Variants in NRG3 observed in about 807,000 individuals in gnomAD.
The protein encoded by NRG3 is neuregulin 3.
In NRG3, 31 loss-of-function variants were observed where a neutral mutation model predicts 66.9. The ratio of observed to expected loss-of-function variants is 0.46; its 90% CI spans 0.35 to 0.63. The LOEUF (loss-of-function observed/expected upper bound fraction) is 0.63. NRG3 is among the 20% of genes least tolerant of loss of function. The pLI is 0.00. For missense variants in NRG3, 910 were observed against 878.9 expected (o/e 1.04, Z -0.45); for synonymous variants, 393 against 359.4 (o/e 1.09, Z -1.06).
At chr10:82,029,345 TC>T in intron 1 of NRG3, among the ~76,000 whole-genome samples, 1 of 152,282 alleles carries the variant, frequency 6.6e-6, no homozygotes, top group South Asian at 2.1e-4. Context: ...TATGCCAGTT[TC>T]CCAAAGTGAA....
At chr10:82,008,678 G>T (rs1564733319) in intron 1 of NRG3, among the ~76,000 whole-genome samples, 1 of 152,012 alleles carries the variant, frequency 6.6e-6, no homozygotes, top group Non-Finnish European at 1.5e-5. Flanking sequence ...ATCCATTTCT[G>T]GTAGTCTCTT....
chr10:82,692,604 C>T (rs536131499), intron 2 of NRG3, among the ~76,000 whole-genome samples: 1 of 152,210 alleles, frequency 6.6e-6, no homozygotes, highest in Admixed American at 6.5e-5. Context: ...ACACAGGAGA[C>T]AAAGAGGCCG....
intron 1 of NRG3, among the ~76,000 whole-genome samples, chr10:82,339,288 A>G (rs981842605): frequency 2.6e-5 from 4 of 152,210 alleles, no homozygotes; most frequent in Admixed American, 6.5e-5. Flanking sequence ...ACAGTTATGA[A>G]GAAATACCTG....
rs1315398489 is a variant in NRG3, at chr10:82,959,022, A to G, written c.1231A>G (p.Ser411Gly). 7 of 1,608,510 alleles carry G rather than the reference A, an allele frequency of 4.4e-6. No homozygotes were observed. Among genetic ancestry groups the G allele is most frequent in the Non-Finnish European group, 5.1e-6 (6 of 1,178,478 alleles). ...NGKSYSLKAS[S>G]TMAKSENLVK... is the part of the protein sequence containing the mutation. ...TAAAAGCTACAGTCTCAAAGCATCC[A>G]GCACAATGGCAAAGTCAGAGAACTT... The change falls in exon 6 of 9, where the codon AGC becomes GGC. Residue 411 changes from serine (S) to glycine (G), a missense_variant. Physicochemically the swap from Ser to Gly is moderately conservative, Grantham distance 56. Transcript: ENST00000372141.
chr10:82,932,575 T>C (rs566055428), intron 4 of NRG3, among the ~76,000 whole-genome samples: 6 of 152,206 alleles, frequency 3.9e-5, no homozygotes, highest in Non-Finnish European at 8.8e-5. Context: ...TTTCCACCTC[T>C]GACTGGGGCT....
intron 2 of NRG3, among the ~76,000 whole-genome samples, chr10:82,627,416 C>G (rs1190772498): frequency 6.6e-6 from 1 of 151,924 alleles, no homozygotes; most frequent in Non-Finnish European, 1.5e-5. Flanking sequence ...ATGCAGTCAA[C>G]AGCATGAAGA....
chr10:82,000,175 T>C (rs929711772), intron 1 of NRG3, among the ~76,000 whole-genome samples: 1 of 152,230 alleles, frequency 6.6e-6, no homozygotes, highest in African/African-American at 2.4e-5. Context: ...TTACCTAAAC[T>C]TTAAAGAACA....
At chr10:82,716,915 A>G (rs2057005115) in intron 2 of NRG3, among the ~76,000 whole-genome samples, 1 of 152,238 alleles carries the variant, frequency 6.6e-6, no homozygotes, top group Admixed American at 6.5e-5. Flanking sequence ...AAATTACATA[A>G]TATGAAAACA....
chr10:82,472,284 C>G (rs1841339488), intron 2 of NRG3, among the ~76,000 whole-genome samples: 1 of 152,150 alleles, frequency 6.6e-6, no homozygotes, highest in Non-Finnish European at 1.5e-5. Context: ...CATGTAGAAG[C>G]AGACATAGCG....
At chr10:82,232,567 C>T (rs751701396) in intron 1 of NRG3, 50 of 557,514 alleles carry the variant, frequency 9.0e-5, no homozygotes, top group Middle Eastern at 9.9e-4. Context: ...GACTTCTGAC[C>T]GTTTTTCTGG....
intron 1 of NRG3, among the ~76,000 whole-genome samples, chr10:82,059,174 A>G (rs2064001542): frequency 6.6e-6 from 1 of 152,216 alleles, no homozygotes; most frequent in African/African-American, 2.4e-5. Context: ...GATGCATTGA[A>G]AGGTTTGAAA....
At chr10:82,540,623 C>A (rs892311259) in intron 2 of NRG3, among the ~76,000 whole-genome samples, 2 of 151,592 alleles carry the variant, frequency 1.3e-5, no homozygotes, top group Non-Finnish European at 2.9e-5. Flanking sequence ...CAGGGAAGGG[C>A]GGAGAGGGAA....
Position 82,842,770 on chromosome 10 carries a change from A to C in NRG3, c.1028-22641A>C, listed in dbSNP as rs867171651. Among the ~76,000 whole-genome samples the C allele has an allele frequency of 1.2e-4, 19 of 152,182 alleles. 1 individual carries two copies. In the Middle Eastern group the frequency reaches 0.01, roughly 82 times the overall value. Reference sequence around the variant, plus strand: ...CATCTCAATCTGTCACCCATACCAGAGTTGTAGTGGTGGTATTATATGTCG... The same window carrying C: ...CATCTCAATCTGTCACCCATACCAGCGTTGTAGTGGTGGTATTATATGTCG... On this transcript the variant is annotated intron_variant, in intron 3 of 8. Transcript: ENST00000372141.
At chr10:82,605,020 C>CCTTTCTTTT (rs1329186012) in intron 2 of NRG3, among the ~76,000 whole-genome samples, 1 of 151,988 alleles carries the variant, frequency 6.6e-6, no homozygotes, top group Non-Finnish European at 1.5e-5. Flanking sequence ...AATGTGTTTA[C>CCTTTCTTTT]CTTTCTTTTC....
At chr10:82,105,599 G>A (rs1262987394) in intron 1 of NRG3, among the ~76,000 whole-genome samples, 1 of 152,082 alleles carries the variant, frequency 6.6e-6, no homozygotes, top group Non-Finnish European at 1.5e-5. Context: ...ACATTTATTT[G>A]TTTGTTTGCT....
At chr10:82,940,605 A>T (rs868700170) in intron 4 of NRG3, among the ~76,000 whole-genome samples, 2 of 152,154 alleles carry the variant, frequency 1.3e-5, no homozygotes, top group Admixed American at 1.3e-4. Context: ...GCTTATAAAC[A>T]ACAGGCATTT....
intron 4 of NRG3, among the ~76,000 whole-genome samples, chr10:82,946,649 T>C (rs1050514555): frequency 1.3e-5 from 2 of 152,082 alleles, no homozygotes; most frequent in Admixed American, 6.6e-5. Context: ...GGGTGAGCAG[T>C]GTCATATCAG....
intron 3 of NRG3, among the ~76,000 whole-genome samples, chr10:82,754,369 G>A (rs1034925831): frequency 1.3e-5 from 2 of 151,610 alleles, no homozygotes; most frequent in Non-Finnish European, 2.9e-5. Flanking sequence ...CCCAAAATTT[G>A]TATTTGGGTT....
At chr10:82,529,865 A>G (rs1847088112) in intron 2 of NRG3, among the ~76,000 whole-genome samples, 1 of 152,140 alleles carries the variant, frequency 6.6e-6, no homozygotes, top group African/African-American at 2.4e-5. Flanking sequence ...CTCATTTTCT[A>G]TTGCAAGTAT....
Sources: gnomAD v4.1 joint callset for allele counts (sites outside exome capture counted in the v4.1 genomes callset) on GRCh38, gnomAD v4.1.1 for gene constraint, MANE v1.5 for transcripts, NCBI Gene and HGNC (gene_info 2026-07-23, HGNC 2026-07-21) for gene names.